The following RNF144A variants were observed in gnomAD, a reference collection of about 807,000 sequenced individuals.
The protein encoded by RNF144A is ring finger protein 144A.
A neutral mutation model predicts 38.7 loss-of-function variants in RNF144A; 11 were observed. The observed-to-expected ratio is 0.28, with a 90% CI of 0.18 to 0.47. The LOEUF (loss-of-function observed/expected upper bound fraction) is 0.47. Ranked by LOEUF, RNF144A falls within the 20% of genes least tolerant of loss-of-function variation. The pLI, the probability that RNF144A is intolerant of heterozygous loss-of-function variation, is 0.99. For synonymous variants in RNF144A, 149 were observed against 143.9 expected, an observed-to-expected ratio of 1.04 and a Z score of -0.25; for missense variants, 316 against 377.2, an observed-to-expected ratio of 0.84 and a Z score of 1.34.
chr2:7,072,159 G>C (rs551873441), downstream of RNF144A, among the ~76,000 whole-genome samples: 3 of 152,350 alleles, frequency 2.0e-5, no homozygotes, highest in African/African-American at 7.2e-5. Context: ...GCAGAGGCTG[G>C]GTAAATGTTT....
intron 2 of RNF144A, among the ~76,000 whole-genome samples, chr2:6,947,616 T>C (rs1243830287): frequency 6.6e-6 from 1 of 152,240 alleles, no homozygotes; most frequent in Non-Finnish European, 1.5e-5. Flanking sequence ...AGAAGTTACA[T>C]CATTTTCAGT....
chr2:6,999,172 A>C (rs753429729), intron 3 of RNF144A, among the ~76,000 whole-genome samples: 1 of 152,264 alleles, frequency 6.6e-6, no homozygotes, highest in African/African-American at 2.4e-5. Context: ...AACACCAAAA[A>C]AACAGTGACA....
chr2:6,989,872 T>TA (rs1042322613), intron 2 of RNF144A, among the ~76,000 whole-genome samples: 5 of 151,734 alleles, frequency 3.3e-5, no homozygotes, highest in Non-Finnish European at 5.9e-5. Flanking sequence ...ACCCTTTTCT[T>TA]AAAAAAAAGA....
At chr2:6,955,531 A>G (rs1666947442) in intron 2 of RNF144A, among the ~76,000 whole-genome samples, 1 of 152,040 alleles carries the variant, frequency 6.6e-6, no homozygotes. Flanking sequence ...GCTCATTTCC[A>G]CAACTAAATA....
chr2:7,045,520 C>T (rs61743211), downstream of RNF144A, among the ~76,000 whole-genome samples: 108 of 152,258 alleles, frequency 7.1e-4, no homozygotes, highest in Middle Eastern at 3.4e-3. Context: ...CAGGTTCCCA[C>T]GGCGTTCTCC....
chr2:7,017,299 ATTGTTTTTTTTTTTGTTCT>A lies in RNF144A; in HGVS notation c.301+2542_301+2560del, dbSNP rs1451096474. Among the ~76,000 whole-genome samples the A allele has an allele frequency of 9.0e-4, 97 of 107,330 alleles. 1 individual carries two copies. Among genetic ancestry groups the A allele is most frequent in the Middle Eastern group, 4.4e-3 (1 of 226 alleles). 70.4% of individuals were successfully genotyped at this position (107,330 alleles called of 152,430 possible). A position where few individuals can be genotyped will look rare whatever the true frequency, so the allele number is the denominator to read the frequency against. The stretch of plus-strand genomic sequence containing the variant: ...TGCTGATGTCAGATGTCAACCGTGT[ATTGTTTTTTTTTTTGTTCT>A]TTGTTTTTTTTTTTTAAAGTAAAGC... On this transcript the variant is annotated intron_variant, in intron 5 of 8. Transcript: ENST00000320892.
chr2:7,003,682 C>T (rs1670261478), intron 3 of RNF144A, among the ~76,000 whole-genome samples: 1 of 152,218 alleles, frequency 6.6e-6, no homozygotes, highest in Non-Finnish European at 1.5e-5. Flanking sequence ...AATGTATTCT[C>T]TTCTTGGACA....
Position 6,941,008 on chromosome 2 carries a change from C to G in RNF144A, c.-151C>G, listed in dbSNP as rs1383072978. 6.6e-6 allele frequency: 1 copy of G among 152,448 alleles called. No homozygotes were observed. The highest frequency in any genetic ancestry group is 1.5e-5 in the Non-Finnish European group (1 of 68,270). The allele number at this position is 152,448 out of a possible 1,614,324, so 9.4% of individuals were successfully genotyped here. A position where few individuals can be genotyped will look rare whatever the true frequency, so the allele number is the denominator to read the frequency against. Reference sequence around the variant, plus strand: ...GCCTCCCCCAGCTCTGCAGGGAGCCCTGGTGCCAGAGACCTTCTCCCATTT... The same window carrying G: ...GCCTCCCCCAGCTCTGCAGGGAGCCGTGGTGCCAGAGACCTTCTCCCATTT... On this transcript the variant is annotated 5_prime_UTR_variant, in exon 2 of 9. Transcript: ENST00000320892. The surrounding 1 kb of genome is among the most constrained non-coding windows in gnomAD (Gnocchi z 6.5).
intron 3 of RNF144A, among the ~76,000 whole-genome samples, chr2:7,005,522 G>A (rs3755507): frequency 0.24 from 35,927 of 152,030 alleles, 5,266 homozygotes; most frequent in East Asian, 0.64. Context: ...TGCAAAGAGC[G>A]AAGCTTCCAA....
At chr2:7,031,801 G>A (rs1672321664) in intron 8 of RNF144A, among the ~76,000 whole-genome samples, 5 of 152,262 alleles carry the variant, frequency 3.3e-5, no homozygotes, top group Admixed American at 6.5e-5. Flanking sequence ...CCATCAGAGA[G>A]CAGATGCTGA....
At chr2:6,998,911 G>A (rs1335332472) in intron 3 of RNF144A, among the ~76,000 whole-genome samples, 1 of 152,082 alleles carries the variant, frequency 6.6e-6, no homozygotes, top group Non-Finnish European at 1.5e-5. Context: ...GGGGCGGGGG[G>A]CATTTGCAGT....
rs972214868 is a variant in RNF144A, at chr2:7,043,655, C to T, written c.*3895C>T. 6.1e-6 allele frequency: 6 copies of T among 985,826 alleles called. No individual in the cohort carries two copies. Among genetic ancestry groups the T allele is most frequent in the African/African-American group, 1.7e-5 (1 of 57,348 alleles). 61.1% of individuals were successfully genotyped at this position (985,826 alleles called of 1,614,324 possible). A position where few individuals can be genotyped will look rare whatever the true frequency, so the allele number is the denominator to read the frequency against. On this transcript the variant is annotated 3_prime_UTR_variant, in exon 9 of 9. Transcript: ENST00000320892. ...ACACCAAAAGGAACAAAGGGGCCTG[C>T]GTTAAAACCTAATTGCTAATGCTTC...
intron 3 of RNF144A, among the ~76,000 whole-genome samples, chr2:7,011,256 G>C: frequency 6.6e-6 from 1 of 152,196 alleles, no homozygotes; most frequent in East Asian, 1.9e-4. Context: ...TCACATAGTT[G>C]CTTTTTACGG....
chr2:6,985,721 G>A (rs1668912744), intron 2 of RNF144A, among the ~76,000 whole-genome samples: 1 of 152,220 alleles, frequency 6.6e-6, no homozygotes, highest in Admixed American at 6.5e-5. Context: ...TGCACAGGCT[G>A]GAGTGCAGTG....
At chr2:7,073,549 G>A in the RNF144A span, among the ~76,000 whole-genome samples, 899 of 152,294 alleles carry the variant, frequency 5.9e-3, 9 homozygotes, top group African/African-American at 0.02. Context: ...CACCCCTGGA[G>A]ATAATGAGGT....
chr2:6,946,302 T>TA (rs1222324466), intron 2 of RNF144A, among the ~76,000 whole-genome samples: 4 of 152,212 alleles, frequency 2.6e-5, no homozygotes, highest in Non-Finnish European at 5.9e-5. Context: ...ACTGCCTTAT[T>TA]AAATATTAAT....
At chr2:6,995,517 C>T (rs1316875866) in intron 2 of RNF144A, among the ~76,000 whole-genome samples, 1 of 152,156 alleles carries the variant, frequency 6.6e-6, no homozygotes, top group African/African-American at 2.4e-5. Context: ...CAGTCCAAGT[C>T]CCAAAATCTC....
chr2:6,940,002 T>A (rs1212745248), intron 1 of RNF144A, among the ~76,000 whole-genome samples: 1 of 152,188 alleles, frequency 6.6e-6, no homozygotes, highest in South Asian at 2.1e-4. Flanking sequence ...CCCCCAAGTT[T>A]TTTTTCTTTT....
intron 6 of RNF144A, among the ~76,000 whole-genome samples, chr2:7,056,257 C>G (rs758533737): frequency 3.3e-5 from 5 of 152,132 alleles, no homozygotes; most frequent in Admixed American, 6.5e-5. Context: ...GAAGGTCTCT[C>G]TATGCCAGAC....
Sources: gnomAD v4.1 joint callset for allele counts (sites outside exome capture counted in the v4.1 genomes callset) on GRCh38, gnomAD v4.1.1 for gene constraint, Gnocchi (gnomAD v3.1) non-coding constraint, MANE v1.5 for transcripts, NCBI Gene and HGNC (gene_info 2026-07-23, HGNC 2026-07-21) for gene names.